The following DAB1 variants were observed in gnomAD, a reference collection of about 807,000 sequenced individuals.
The protein encoded by DAB1 is DAB adaptor protein 1, also known as disabled homolog 1.
Under a neutral mutation model 64.6 loss-of-function variants are expected in DAB1, and 15 were observed. That is an observed-to-expected ratio of 0.23 (90% CI 0.16 to 0.36). The LOEUF (loss-of-function observed/expected upper bound fraction) is 0.36. Among genes scored for constraint, DAB1 ranks in the 10% least tolerant of loss-of-function variants. The pLI is 1.00. For synonymous variants in DAB1, 235 were observed against 251.9 expected (o/e 0.93, Z 0.64); for missense variants, 596 against 706.7 (o/e 0.84, Z 1.78).
At chr1:57,033,484 G>A (rs1570552676) in intron 9 of DAB1, 1 of 1,612,658 alleles carries the variant, frequency 6.2e-7, no homozygotes, top group African/African-American at 1.3e-5. Flanking sequence ...ATGAGAAAAT[G>A]ACATGAAACA....
intron 2 of DAB1, among the ~76,000 whole-genome samples, chr1:57,247,724 G>T (rs1053599913): frequency 1.3e-5 from 2 of 152,148 alleles, no homozygotes; most frequent in Admixed American, 6.5e-5. Flanking sequence ...ACTGGTTCTA[G>T]CCCACATAAT....
intron 5 of DAB1, among the ~76,000 whole-genome samples, chr1:57,892,086 C>G (rs1417280421): frequency 6.6e-6 from 1 of 152,176 alleles, no homozygotes; most frequent in African/African-American, 2.4e-5. Context: ...GCTGCAGCAC[C>G]CAGCACACAG....
intron 1 of DAB1, among the ~76,000 whole-genome samples, chr1:57,865,355 T>C (rs1654250114): frequency 6.6e-6 from 1 of 152,166 alleles, no homozygotes; most frequent in Non-Finnish European, 1.5e-5. Flanking sequence ...CACAACTTTT[T>C]GGTGGATAAT....
intron 7 of DAB1, among the ~76,000 whole-genome samples, chr1:57,429,715 G>A (rs1275849249): frequency 6.6e-6 from 1 of 152,130 alleles, no homozygotes; most frequent in Non-Finnish European, 1.5e-5. Flanking sequence ...TGGACATGCA[G>A]TTTTCCCAAC....
At chr1:58,215,470 C>T (rs763593827) in intron 4 of DAB1, among the ~76,000 whole-genome samples, 2 of 151,404 alleles carry the variant, frequency 1.3e-5, no homozygotes, top group South Asian at 2.1e-4. Context: ...TAGATGTTCA[C>T]TGTCTGTCTC....
At chr1:57,164,140 C>T (rs1421832972) in intron 2 of DAB1, among the ~76,000 whole-genome samples, 4 of 152,052 alleles carry the variant, frequency 2.6e-5, no homozygotes, top group African/African-American at 9.7e-5. Flanking sequence ...AGTGCCTGGC[C>T]TGTCTGGTGG....
chr1:58,147,548 G>A (rs563287297), intron 5 of DAB1, among the ~76,000 whole-genome samples: 5 of 151,578 alleles, frequency 3.3e-5, no homozygotes, highest in Non-Finnish European at 7.4e-5. Flanking sequence ...CCCAGGAGGC[G>A]GAGCTTGCAG....
At chr1:57,696,616 C>T (rs891623857) in intron 6 of DAB1, among the ~76,000 whole-genome samples, 6 of 152,118 alleles carry the variant, frequency 3.9e-5, no homozygotes, top group African/African-American at 1.2e-4. Context: ...ATACCTCAAA[C>T]GGGGGCTCTG....
intron 5 of DAB1, among the ~76,000 whole-genome samples, chr1:57,952,106 C>T (rs984163942): frequency 1.3e-5 from 2 of 152,100 alleles, no homozygotes; most frequent in African/African-American, 4.8e-5. Context: ...CTACCTGCTA[C>T]TTCTATGACC....
chr1:57,025,021 C>A (rs2100388022), intron 10 of DAB1, among the ~76,000 whole-genome samples: 1 of 152,174 alleles, frequency 6.6e-6, no homozygotes, highest in Middle Eastern at 3.4e-3. Flanking sequence ...GAGGTTACAG[C>A]CTTTTCTCTG....
chr1:58,343,111 C>A (rs773885063), intron 4 of DAB1, among the ~76,000 whole-genome samples: 2 of 152,166 alleles, frequency 1.3e-5, no homozygotes, highest in Non-Finnish European at 2.9e-5. Flanking sequence ...AGCCCCAACT[C>A]CCTTTTCCAC....
intron 7 of DAB1, among the ~76,000 whole-genome samples, chr1:57,574,395 C>A (rs1029079705): frequency 1.3e-5 from 2 of 152,150 alleles, no homozygotes; most frequent in Admixed American, 6.5e-5. Context: ...AAGCAGCAAG[C>A]ATTTATTGAA....
intron 5 of DAB1, among the ~76,000 whole-genome samples, chr1:58,051,666 A>C (rs1647678810): frequency 6.6e-6 from 1 of 152,180 alleles, no homozygotes; most frequent in South Asian, 2.1e-4. Context: ...TCCCATGAAC[A>C]GTGTAAAAGC....
At chr1:57,831,214 T>C (rs918630144) in intron 1 of DAB1, among the ~76,000 whole-genome samples, 2 of 152,114 alleles carry the variant, frequency 1.3e-5, no homozygotes, top group African/African-American at 4.8e-5. Flanking sequence ...CGCCCAGCCA[T>C]GTTGCTGTAT....
intron 7 of DAB1, among the ~76,000 whole-genome samples, chr1:57,592,021 TTTCTGCAATCTAATAGGA>T (rs1645451493): frequency 6.7e-6 from 1 of 149,162 alleles, no homozygotes; most frequent in African/African-American, 2.6e-5. Flanking sequence ...CTTGAAAGGA[TTTCTGCAATCTAATAGGA>T]TGAGGTGTTA....
At chr1:57,999,851 A>T (rs756240347) in intron 5 of DAB1, among the ~76,000 whole-genome samples, 1 of 151,414 alleles carries the variant, frequency 6.6e-6, no homozygotes, top group Non-Finnish European at 1.5e-5. Flanking sequence ...AAGACAAAAG[A>T]GGGAAGAAAT....
intron 1 of DAB1, among the ~76,000 whole-genome samples, chr1:58,537,753 T>C (rs1646539943): frequency 6.6e-6 from 1 of 152,226 alleles, no homozygotes; most frequent in African/African-American, 2.4e-5. Flanking sequence ...AGTGTGTCCA[T>C]TTAAAGGGAC....
At chr1:57,689,641 C>T (rs1271797351) in intron 6 of DAB1, among the ~76,000 whole-genome samples, 1 of 152,056 alleles carries the variant, frequency 6.6e-6, no homozygotes. Context: ...TATGGGTAAA[C>T]AGTAGGTACA....
chr1:58,434,484 T>C (rs764433370), intron 3 of DAB1, among the ~76,000 whole-genome samples: 2 of 151,348 alleles, frequency 1.3e-5, no homozygotes, highest in Non-Finnish European at 2.9e-5. Flanking sequence ...TTCCTAGAGA[T>C]GGAGGAGGCT....
Sources: allele counts gnomAD v4.1 joint callset (sites outside exome capture counted in the v4.1 genomes callset), GRCh38; gene constraint gnomAD v4.1.1; transcripts MANE v1.5; gene names NCBI Gene and HGNC (gene_info 2026-07-23, HGNC 2026-07-21).